Variants in ANTXR2 observed in about 807,000 individuals in gnomAD.
The protein encoded by ANTXR2 is anthrax toxin receptor 2.
In ANTXR2, 44 loss-of-function variants were observed where a neutral mutation model predicts 73.7. That is an observed-to-expected ratio of 0.60 (90% CI 0.47 to 0.77). ANTXR2 has a LOEUF of 0.77. Ranked by LOEUF, ANTXR2 falls within the 30% of genes least tolerant of loss-of-function variation. The pLI, the probability that ANTXR2 is intolerant of heterozygous loss-of-function variation, is 0.00. For missense variants in ANTXR2, 604 were observed against 592.5 expected (o/e 1.02, Z -0.20); for synonymous variants, 217 against 205.9 (o/e 1.05, Z -0.46).
intron 16 of ANTXR2, among the ~76,000 whole-genome samples, chr4:79,933,720 G>A (rs1340290292): frequency 1.4e-5 from 1 of 69,634 alleles, no homozygotes; most frequent in Non-Finnish European, 2.5e-5. Context: ...CCCCACAACA[G>A]GCCCTGGTGT....
At chr4:79,915,867 T>TAC (rs1727335984) in intron 16 of ANTXR2, among the ~76,000 whole-genome samples, 1 of 148,756 alleles carries the variant, frequency 6.7e-6, no homozygotes, top group Admixed American at 6.7e-5. Flanking sequence ...TCTCTCTATA[T>TAC]ATATATATAT....
chr4:79,982,297 T>C (rs1378400088), intron 14 of ANTXR2, among the ~76,000 whole-genome samples: 1 of 152,152 alleles, frequency 6.6e-6, no homozygotes, highest in African/African-American at 2.4e-5. Context: ...TAGGGAAATA[T>C]ATAGCATAGA....
chr4:80,069,839 C>T (rs1235038760), intron 2 of ANTXR2, among the ~76,000 whole-genome samples: 2 of 152,172 alleles, frequency 1.3e-5, no homozygotes, highest in African/African-American at 4.8e-5. Flanking sequence ...TACAACATTT[C>T]CTTTAAAGGT....
chr4:80,030,655 CG>C (rs1375630028), intron 10 of ANTXR2, among the ~76,000 whole-genome samples: 1 of 151,970 alleles, frequency 6.6e-6, no homozygotes, highest in Non-Finnish European at 1.5e-5. Flanking sequence ...AAGTGATGTG[CG>C]ATAGATATCT....
In ANTXR2 at chr4:79,907,435, AG is replaced by A. The variant is rs1726959708; in HGVS notation, c.1460del (p.Ser487PhefsTer21). ...GRCINFSRVPSQ is the reference protein window; with the variant it reads ...GRCINFSRVPXQ ...TGGTCTTCCTGCTTCCCTTTTACTG[AG>A]ATGGAACTCGGGAGAAGTTTATGCA... On this transcript the variant is annotated frameshift_variant, in exon 17 of 17. Coordinates refer to ENST00000403729, the MANE Select transcript of ANTXR2 (RefSeq NM_058172.6). LOFTEE classifies it high-confidence loss of function. 3 of 1,612,986 alleles carry A rather than the reference AG, an allele frequency of 1.9e-6. No individual in the cohort carries two copies. The highest frequency in any genetic ancestry group is 2.7e-5 in the African/African-American group (2 of 74,940).
At chr4:79,953,320 T>C (rs139372986) in intron 16 of ANTXR2, among the ~76,000 whole-genome samples, 17 of 152,354 alleles carry the variant, frequency 1.1e-4, no homozygotes, top group Non-Finnish European at 2.1e-4. Flanking sequence ...TAAATTTGAT[T>C]AGTGAAATCA....
chr4:80,040,985 C>T (rs1733217863), intron 7 of ANTXR2, among the ~76,000 whole-genome samples: 1 of 152,010 alleles, frequency 6.6e-6, no homozygotes, highest in Admixed American at 6.6e-5. Context: ...TATCAGTAGT[C>T]CAAAATTCAA....
chr4:79,930,693 G>A (rs1728023208), intron 16 of ANTXR2, among the ~76,000 whole-genome samples: 2 of 152,032 alleles, frequency 1.3e-5, no homozygotes, highest in Admixed American at 6.6e-5. Flanking sequence ...TCCCACTAAC[G>A]TGTAGTACCC....
At chr4:80,029,604 C>T (rs1732596370) in intron 10 of ANTXR2, among the ~76,000 whole-genome samples, 1 of 151,594 alleles carries the variant, frequency 6.6e-6, no homozygotes, top group Non-Finnish European at 1.5e-5. Context: ...GAAGTAGAAA[C>T]ATAATAACAG....
At chr4:80,045,105 A>T (rs1733458553) in intron 7 of ANTXR2, among the ~76,000 whole-genome samples, 1 of 151,798 alleles carries the variant, frequency 6.6e-6, no homozygotes, top group Admixed American at 6.6e-5. Flanking sequence ...AGTACCTATA[A>T]GGCATATTGG....
rs535774297 is a variant in ANTXR2, at chr4:79,904,666, A to C, written c.*2763T>G. ...TCTTTCTAGGCAGAGTAGACACATAAGTTAGGAGTCATTTCCCACTTAATT... is the reference window on the plus strand; with the variant it reads ...TCTTTCTAGGCAGAGTAGACACATACGTTAGGAGTCATTTCCCACTTAATT... On this transcript the variant is annotated 3_prime_UTR_variant, in exon 17 of 17. Transcript: ENST00000403729. The C allele has an allele frequency of 6.6e-6, 1 of 152,260 alleles. No individual in the cohort carries two copies. The highest frequency in any genetic ancestry group is 1.9e-4 in the East Asian group (1 of 5,176). The allele number at this position is 152,260 out of a possible 1,614,324, so 9.4% of individuals were successfully genotyped here.
chr4:80,016,854 A>T (rs897582662), intron 11 of ANTXR2, among the ~76,000 whole-genome samples: 1 of 152,122 alleles, frequency 6.6e-6, no homozygotes, highest in Non-Finnish European at 1.5e-5. Context: ...CATCCCATAA[A>T]CTTCCCCTGT....
At chr4:79,966,602 A>T (rs1266609308) in intron 16 of ANTXR2, among the ~76,000 whole-genome samples, 1 of 152,246 alleles carries the variant, frequency 6.6e-6, no homozygotes, top group Non-Finnish European at 1.5e-5. Flanking sequence ...AGCAAAAAAG[A>T]ACTGAAATTT....
At chr4:80,002,748 A>C (rs1320774907) in intron 12 of ANTXR2, among the ~76,000 whole-genome samples, 39 of 152,086 alleles carry the variant, frequency 2.6e-4, no homozygotes, top group Non-Finnish European at 4.0e-4. Flanking sequence ...AAAGTGGGTG[A>C]AGGACATGAA....
intron 12 of ANTXR2, among the ~76,000 whole-genome samples, chr4:80,002,318 C>T (rs1038771591): frequency 5.3e-5 from 8 of 152,230 alleles, no homozygotes; most frequent in Admixed American, 3.9e-4. Context: ...GAAAGGATTC[C>T]TTATTTAATA....
intron 16 of ANTXR2, among the ~76,000 whole-genome samples, chr4:79,946,125 A>T (rs1728505269): frequency 6.6e-6 from 1 of 152,192 alleles, no homozygotes; most frequent in South Asian, 2.1e-4. Context: ...GTGTTGTTAT[A>T]TAACGATCCC....
At chr4:80,012,180 T>C (rs1731616511) in intron 11 of ANTXR2, among the ~76,000 whole-genome samples, 1 of 152,210 alleles carries the variant, frequency 6.6e-6, no homozygotes, top group African/African-American at 2.4e-5. Context: ...CAATTTTGTT[T>C]CATGAATTTA....
At chr4:80,066,257 G>A (rs1011461020) in intron 3 of ANTXR2, among the ~76,000 whole-genome samples, 1 of 152,090 alleles carries the variant, frequency 6.6e-6, no homozygotes, top group Non-Finnish European at 1.5e-5. Context: ...CTCAAATATG[G>A]AAGATTTTAT....
chr4:79,990,116 G>A (rs974084285), intron 12 of ANTXR2, among the ~76,000 whole-genome samples: 1 of 151,932 alleles, frequency 6.6e-6, no homozygotes, highest in African/African-American at 2.4e-5. Flanking sequence ...GTAAAGTCCT[G>A]GAAGTCCTAG....
Sources: gnomAD v4.1 joint callset for allele counts (sites outside exome capture counted in the v4.1 genomes callset) on GRCh38, gnomAD v4.1.1 for gene constraint, MANE v1.5 for transcripts, NCBI Gene and HGNC (gene_info 2026-07-23, HGNC 2026-07-21) for gene names.